Variants in GTF3C1 observed in about 807,000 individuals in gnomAD.
GTF3C1 encodes general transcription factor 3C polypeptide 1.
A neutral mutation model predicts 226.7 loss-of-function variants in GTF3C1; 57 were observed. The ratio of observed to expected loss-of-function variants is 0.25; its 90% confidence interval spans 0.20 to 0.31. The LOEUF (loss-of-function observed/expected upper bound fraction) is 0.31, where lower values mean the gene tolerates loss of function less well. Among genes scored for constraint, GTF3C1 ranks in the 10% least tolerant of loss-of-function variants. The pLI, the probability that GTF3C1 is intolerant of heterozygous loss-of-function variation, is 1.00. For missense variants in GTF3C1, 2,217 were observed against 2,776.1 expected, an observed-to-expected ratio of 0.80 and a Z score of 4.53; for synonymous variants, 1,090 against 1,084.8, an observed-to-expected ratio of 1.00 and a Z score of -0.09.
intron 12 of GTF3C1, 102 bp downstream of exon 12, chr16:27,501,089 G>GT (rs1348325207): frequency 2.1e-6 from 2 of 947,434 alleles, no homozygotes; most frequent in Non-Finnish European, 3.2e-6. Flanking sequence ...CAAGTCACTG[G>GT]TAATAAAGCA....
chr16:27,493,142 T>A (rs2088257987), intron 17 of GTF3C1, 57 bp downstream of exon 17: 2 of 903,632 alleles, frequency 2.2e-6, no homozygotes, highest in Admixed American at 3.4e-5. Flanking sequence ...CTTAGAGCCC[T>A]GACTTAAGGG....
At chr16:27,481,306 C>G (rs2088042966) in intron 26 of GTF3C1, 115 bp from the exon 27 acceptor site, 1 of 847,438 alleles carries the variant, frequency 1.2e-6, no homozygotes, top group Non-Finnish European at 1.9e-6. Context: ...AGTCCGAGAA[C>G]CACTGACCAG....
At chr16:27,477,451 C>T (rs2087967687) in intron 28 of GTF3C1, among the ~76,000 whole-genome samples, 1 of 152,142 alleles carries the variant, frequency 6.6e-6, no homozygotes, top group Non-Finnish European at 1.5e-5. Context: ...GGATTACAGG[C>T]ACCTGCCACG....
At position 27,470,589 on chromosome 16, in the gene GTF3C1, C is replaced by T. The variant is rs534563725; in HGVS notation, c.4527-194G>A. 1.9e-4 allele frequency: 110 copies of T among 584,980 alleles called. 1 individual carries two copies. Among genetic ancestry groups the T allele is most frequent in the Non-Finnish European group, 1.9e-4 (62 of 328,844 alleles). The allele number at this position is 584,980 out of a possible 1,614,324, so 36.2% of individuals were successfully genotyped here. ...TAGCGGTGTTTGTGTCTCTCTTCCC[C>T]GCTTGCCTGAGTACCTTCCGGGCAG... On this transcript the variant is annotated intron_variant, in intron 30 of 36. Transcript: ENST00000356183. This position sits in a 1 kb window ranked among gnomAD's most constrained non-coding sequence, Gnocchi z 4.9.
At position 27,489,636 on chromosome 16, in the gene GTF3C1, G is replaced by A; in HGVS notation, c.3259C>T (p.Leu1087=). The part of the protein sequence containing the change: ...EQESAMDKHN[L]ERKCAMLEYT... ...TCCAGCATGGCGCACTTGCGCTCCA[G>A]GTTGTGCTTGTCCATGGCGCTCTCC... is the stretch of plus-strand genomic sequence containing the variant. The change falls in exon 20 of 37, where the codon CTG becomes TTG. Residue 1087 remains leucine (L), a synonymous_variant. Coordinates refer to ENST00000356183, the MANE Select transcript of GTF3C1 (RefSeq NM_001520.4). 1 of 1,611,110 alleles carries A rather than the reference G, an allele frequency of 6.2e-7. No individual in the cohort carries two copies. Among genetic ancestry groups the A allele is most frequent in the Non-Finnish European group, 8.5e-7 (1 of 1,179,348 alleles).
At chr16:27,496,942 G>C (rs2088328226) in intron 14 of GTF3C1, among the ~76,000 whole-genome samples, 1 of 152,194 alleles carries the variant, frequency 6.6e-6, no homozygotes. Flanking sequence ...CCTTCTAACA[G>C]GGAAACCTTG....
chr16:27,461,293 C>G lies in GTF3C1; in HGVS notation c.*57G>C, dbSNP rs1192882078. The G allele has an allele frequency of 2.6e-6, 3 of 1,161,460 alleles. No homozygotes were observed. The highest frequency in any genetic ancestry group is 3.0e-5 in the African/African-American group (2 of 66,228). 71.9% of individuals were successfully genotyped at this position (1,161,460 alleles called of 1,614,324 possible). A position where few individuals can be genotyped will look rare whatever the true frequency, so the allele number is the denominator to read the frequency against. On this transcript the variant is annotated 3_prime_UTR_variant, in exon 37 of 37. Coordinates refer to ENST00000356183, the MANE Select transcript of GTF3C1 (RefSeq NM_001520.4). This position sits in a 1 kb window ranked among gnomAD's most constrained non-coding sequence, Gnocchi z 5.3. ...GGGCACAGTGGGGTCTGCCGAGCACCAGGCAGGAGTGGTGTGGCAGGCGGT... is the reference window on the plus strand; with the variant it reads ...GGGCACAGTGGGGTCTGCCGAGCACGAGGCAGGAGTGGTGTGGCAGGCGGT...
chr16:27,534,168 C>G (rs547099280), intron 4 of GTF3C1, among the ~76,000 whole-genome samples: 1 of 152,348 alleles, frequency 6.6e-6, no homozygotes, highest in East Asian at 1.9e-4. Flanking sequence ...AGCTCCGGTT[C>G]CTGCTCCTGA....
chr16:27,464,201 C>T (rs771535317), intron 34 of GTF3C1, 119 bp downstream of exon 34: 3 of 561,428 alleles, frequency 5.3e-6, no homozygotes, highest in Non-Finnish European at 8.5e-6. Flanking sequence ...TGAAGTCAAG[C>T]CCCTTTTGTG....
chr16:27,521,297 G>A (rs1037607261), intron 6 of GTF3C1, among the ~76,000 whole-genome samples: 1 of 152,222 alleles, frequency 6.6e-6, no homozygotes, highest in Non-Finnish European at 1.5e-5. Flanking sequence ...GCCTGTAAAG[G>A]CATCAGCTAG....
At chr16:27,504,642 G>T (rs561453925) in intron 10 of GTF3C1, among the ~76,000 whole-genome samples, 183 of 152,310 alleles carry the variant, frequency 1.2e-3, no homozygotes, top group African/African-American at 4.3e-3. Context: ...GTGGCCAGGC[G>T]CAGTGGCTCA....
intron 11 of GTF3C1, among the ~76,000 whole-genome samples, chr16:27,501,627 A>C (rs1231567790): frequency 6.6e-6 from 1 of 152,238 alleles, no homozygotes; most frequent in African/African-American, 2.4e-5. Flanking sequence ...TGGCAGGGAA[A>C]CTGGGCACCA....
chr16:27,525,678 C>T (rs935565847), intron 6 of GTF3C1, among the ~76,000 whole-genome samples: 4 of 152,190 alleles, frequency 2.6e-5, no homozygotes, highest in South Asian at 2.1e-4. Flanking sequence ...CACTGAGCCC[C>T]GCCCTGGGGG....
chr16:27,471,855 C>T lies in GTF3C1; in HGVS notation c.4419G>A (p.Lys1473=). ...VLVKAFMECQ[K]RSLVNRRRVN... The stretch of plus-strand genomic sequence containing the variant: ...CCCGGCGCCGGTTGACCAAGCTCCT[C>T]TTCTGGCACTCCATGAAGGCCTTCA... Residue 1473 remains lysine (K), a synonymous_variant, in exon 30 of 37, where the codon AAG becomes AAA. Transcript: ENST00000356183. This position sits in a 1 kb window ranked among gnomAD's most constrained non-coding sequence, Gnocchi z 5.0. 1.9e-6 allele frequency: 3 copies of T among 1,614,122 alleles called. No homozygotes were observed. Among genetic ancestry groups the T allele is most frequent in the Non-Finnish European group, 2.5e-6 (3 of 1,179,980 alleles).
Position 27,471,229 on chromosome 16 carries a change from G to A in GTF3C1, c.4526+519C>T, listed in dbSNP as rs114777527. 6.9e-3 allele frequency among the ~76,000 whole-genome samples: 1,048 copies of A among 152,366 alleles called. 15 individuals carry two copies. Among genetic ancestry groups the A allele is most frequent in the African/African-American group, 0.024 (1,004 of 41,582 alleles). On this transcript the variant is annotated intron_variant, in intron 30 of 36. Transcript: ENST00000356183. This position sits in a 1 kb window ranked among gnomAD's most constrained non-coding sequence, Gnocchi z 5.0. ...AGGAATGTTCTCAGGGACTCTCTGC[G>A]TGTGGTCAGGAGGCTGGTGGTGCAA...
Position 27,460,972 on chromosome 16 carries a change from T to TTC in GTF3C1, c.*376_*377dup, listed in dbSNP as rs2087694164. 1 of 190,688 alleles carries TTC rather than the reference T, an allele frequency of 5.2e-6. No homozygotes were observed. Among genetic ancestry groups the TTC allele is most frequent in the Non-Finnish European group, 1.1e-5 (1 of 90,832 alleles). The allele number at this position is 190,688 out of a possible 1,614,324, so 11.8% of individuals were successfully genotyped here. A position where few individuals can be genotyped will look rare whatever the true frequency, so the allele number is the denominator to read the frequency against. On this transcript the variant is annotated 3_prime_UTR_variant, in exon 37 of 37. Coordinates refer to ENST00000356183, the MANE Select transcript of GTF3C1 (RefSeq NM_001520.4). ...CTGCAAGGTGTATCCCACAAGGCCC[T>TTC]TCCTCTTGGTGGCACCTGGGCACTC...
Position 27,469,629 on chromosome 16 carries a change from C to G in GTF3C1, c.4815-79G>C. The G allele has an allele frequency of 6.6e-7, 1 of 1,504,570 alleles. No homozygotes were observed. Among genetic ancestry groups the G allele is most frequent in the Non-Finnish European group, 9.1e-7 (1 of 1,103,210 alleles). 93.2% of individuals were successfully genotyped at this position (1,504,570 alleles called of 1,614,324 possible). ...GCAGCCTCTCCCCTCCCTCAAGAGG[C>G]CTCTGTGGCTGGGCTTCAGCAGTGG... is the stretch of plus-strand genomic sequence containing the variant. On this transcript the variant is annotated intron_variant, in intron 31 of 36. Coordinates refer to ENST00000356183, the MANE Select transcript of GTF3C1 (RefSeq NM_001520.4). This position sits in a 1 kb window ranked among gnomAD's most constrained non-coding sequence, Gnocchi z 4.5.
chr16:27,511,957 G>A, intron 6 of GTF3C1, 56 bp from the exon 7 acceptor site: 3 of 1,589,654 alleles, frequency 1.9e-6, no homozygotes, highest in Non-Finnish European at 2.6e-6. Flanking sequence ...CTGCGTGGGG[G>A]AGGTGAGGGG....
intron 12 of GTF3C1, among the ~76,000 whole-genome samples, chr16:27,499,939 C>G (rs911958855): frequency 8.5e-5 from 13 of 152,174 alleles, no homozygotes; most frequent in Non-Finnish European, 1.0e-4. Flanking sequence ...GACGGAAGCC[C>G]CTTCCAGCCG....
Sources: allele counts gnomAD v4.1 joint callset (sites outside exome capture counted in the v4.1 genomes callset), GRCh38; gene constraint gnomAD v4.1.1; non-coding constraint Gnocchi (gnomAD v3.1); transcripts MANE v1.5; gene names NCBI Gene and HGNC (gene_info 2026-07-23, HGNC 2026-07-21).